The following AJAP1 variants were observed in gnomAD, a reference collection of about 807,000 sequenced individuals.
AJAP1 encodes the protein adherens junction-associated protein 1.
AJAP1 carries 5 observed loss-of-function variants against 35.0 expected under a neutral mutation model. The ratio of observed to expected loss-of-function variants is 0.14; its 90% CI spans 0.07 to 0.30. The LOEUF is 0.30. AJAP1 is among the 10% of genes least tolerant of loss of function. The probability of loss-of-function intolerance (pLI) is 1.00; values close to 1 mark genes in which losing one functional copy is unlikely to be tolerated. For synonymous variants in AJAP1, 284 were observed against 249.3 expected, an observed-to-expected ratio of 1.14 and a Z score of -1.31; for missense variants, 586 against 571.0, an observed-to-expected ratio of 1.03 and a Z score of -0.27.
chr1:4,711,719 G>T (rs1388630841), intron 1 of AJAP1, among the ~76,000 whole-genome samples, 181 bp from the exon 2 acceptor site: 1 of 152,202 alleles, frequency 6.6e-6, no homozygotes, highest in Admixed American at 6.5e-5. Context: ...TCTTGCACGT[G>T]AGTGAGCCTT....
intron 4 of AJAP1, among the ~76,000 whole-genome samples, chr1:4,774,095 AG>A (rs1176296724): frequency 6.6e-6 from 1 of 152,270 alleles, no homozygotes; most frequent in African/African-American, 2.4e-5. Context: ...CATCAGAGGC[AG>A]AGACCCCAGG....
intron 1 of AJAP1, among the ~76,000 whole-genome samples, chr1:4,707,965 T>G (rs977785618): frequency 5.3e-5 from 6 of 113,870 alleles, no homozygotes; most frequent in Admixed American, 3.0e-4. Flanking sequence ...GGCGGTACGT[T>G]TTTTTTTTGT....
Position 4,712,044 on chromosome 1 carries a change from C to T in AJAP1, c.174C>T (p.Pro58=), listed in dbSNP as rs2100266021. Residue 58 remains proline, a synonymous_variant, in exon 2 of 6, where the codon CCC becomes CCT. Transcript: ENST00000378191. ...PEFWLLPRSP[P]RPPRLWSFRS... is the part of the protein sequence containing the mutation. The stretch of plus-strand genomic sequence containing the variant: ...TCTGGCTCCTGCCGCGGTCGCCGCC[C>T]CGGCCGCCCCGGCTGTGGAGTTTTA... 2 of 1,589,088 alleles carry T rather than the reference C, an allele frequency of 1.3e-6. No individual in the cohort carries two copies. Among genetic ancestry groups the T allele is most frequent in the South Asian group, 2.3e-5 (2 of 87,858 alleles).
At chr1:4,719,054 C>T (rs1640459478) in intron 2 of AJAP1, among the ~76,000 whole-genome samples, 1 of 152,180 alleles carries the variant, frequency 6.6e-6, no homozygotes, top group Non-Finnish European at 1.5e-5. Flanking sequence ...GGACTGATAA[C>T]AAATCTGTTT....
At chr1:4,673,000 TGAA>T (rs1305153963) in intron 1 of AJAP1, among the ~76,000 whole-genome samples, 2 of 152,096 alleles carry the variant, frequency 1.3e-5, no homozygotes, top group African/African-American at 4.8e-5. Context: ...GGCTTGAAGA[TGAA>T]GGAGTGCTTC....
At chr1:4,704,814 A>T (rs1313998275) in intron 1 of AJAP1, among the ~76,000 whole-genome samples, 1 of 152,114 alleles carries the variant, frequency 6.6e-6, no homozygotes, top group Non-Finnish European at 1.5e-5. Context: ...CCTCTCCAGC[A>T]CCTGTTGTTT....
Position 4,655,822 on chromosome 1 carries a change from T to C in AJAP1, c.29+368T>C, listed in dbSNP as rs2100496915. Among the ~76,000 whole-genome samples, 1 of 147,644 alleles carries C rather than the reference T, an allele frequency of 6.8e-6. No individual in the cohort carries two copies. The highest frequency in any genetic ancestry group is 2.1e-4 in the East Asian group (1 of 4,850). ...GGGCCCGGGGCGAGGCGCCGGCCGCTGGGCGCGGCGGGCGCGGGGGCCGGG... is the reference window on the plus strand; with the variant it reads ...GGGCCCGGGGCGAGGCGCCGGCCGCCGGGCGCGGCGGGCGCGGGGGCCGGG... On this transcript the variant is annotated intron_variant, in intron 1 of 5. Coordinates refer to ENST00000378191, the MANE Select transcript of AJAP1 (RefSeq NM_018836.4). The surrounding 1 kb of genome is among the most constrained non-coding windows in gnomAD (Gnocchi z 6.9).
At chr1:4,747,339 A>G (rs1641211908) in intron 2 of AJAP1, among the ~76,000 whole-genome samples, 1 of 150,950 alleles carries the variant, frequency 6.6e-6, no homozygotes, top group Admixed American at 6.6e-5. Context: ...CCCCCTCTCC[A>G]CCTCACCCGG....
In AJAP1 at chr1:4,667,665, C is replaced by T. The variant is rs1639159714; in HGVS notation, c.29+12211C>T. Among the ~76,000 whole-genome samples the T allele has an allele frequency of 3.3e-5, 5 of 152,308 alleles. No individual in the cohort carries two copies. In the South Asian group the frequency reaches 1.0e-3, roughly 32 times the overall value. On this transcript the variant is annotated intron_variant, in intron 1 of 5. Coordinates refer to ENST00000378191, the MANE Select transcript of AJAP1 (RefSeq NM_018836.4). ...ATGCTGGCTCACCCACTGCTCACCT[C>T]CTGCTGTGAGGACAGTTCCTAACAG...
At chr1:4,713,922 T>C (rs888797777) in intron 2 of AJAP1, among the ~76,000 whole-genome samples, 3 of 152,210 alleles carry the variant, frequency 2.0e-5, no homozygotes, top group Admixed American at 6.5e-5. Context: ...AGAGCTCATG[T>C]GCAGGCGGCC....
In AJAP1 at chr1:4,738,627, G is replaced by A. The variant is rs558688021; in HGVS notation, c.829+25928G>A. 4.3e-4 allele frequency among the ~76,000 whole-genome samples: 65 copies of A among 152,230 alleles called. 1 individual carries two copies. The South Asian group carries it at 0.012, about 28-fold the overall frequency. On this transcript the variant is annotated intron_variant, in intron 2 of 5. Coordinates refer to ENST00000378191, the MANE Select transcript of AJAP1 (RefSeq NM_018836.4). ...GCCCCCCAGGCCATGGCAGCACCGCGGGGGTGTGCAGAGACTAGGAGAAGC... is the reference window on the plus strand; with the variant it reads ...GCCCCCCAGGCCATGGCAGCACCGCAGGGGTGTGCAGAGACTAGGAGAAGC...
intron 2 of AJAP1, among the ~76,000 whole-genome samples, chr1:4,737,092 C>T (rs959606652): frequency 1.3e-5 from 2 of 152,224 alleles, no homozygotes; most frequent in South Asian, 2.1e-4. Context: ...GGAATTATTA[C>T]GCCTGTTTGC....
intron 1 of AJAP1, among the ~76,000 whole-genome samples, chr1:4,680,963 C>T (rs973741755): frequency 3.3e-5 from 5 of 152,096 alleles, no homozygotes; most frequent in Non-Finnish European, 5.9e-5. Flanking sequence ...CTTTGGCATT[C>T]GAATTCAGGT....
chr1:4,680,274 C>T (rs1405344375), intron 1 of AJAP1, among the ~76,000 whole-genome samples: 4 of 152,214 alleles, frequency 2.6e-5, no homozygotes, highest in Non-Finnish European at 5.9e-5. Context: ...TCTTTGACCA[C>T]ACATCTGGGC....
rs1363763911 is a variant in AJAP1 at position 4,769,728 on chromosome 1, C to A, written c.830-125C>A. 5 of 804,504 alleles carry A rather than the reference C, an allele frequency of 6.2e-6. No homozygotes were observed. In the African/African-American group the frequency reaches 8.4e-5, roughly 14 times the overall value. The allele number at this position is 804,504 out of a possible 1,614,324, so 49.8% of individuals were successfully genotyped here. ...GCACCTGTCATGCTGCCCCGAGTTC[C>A]CCGCTGCGGATGGGACCTGGCATCC... On this transcript the variant is annotated intron_variant, in intron 2 of 5. Coordinates refer to ENST00000378191, the MANE Select transcript of AJAP1 (RefSeq NM_018836.4).
intron 2 of AJAP1, among the ~76,000 whole-genome samples, chr1:4,731,921 C>T (rs1418824937): frequency 1.3e-5 from 2 of 152,324 alleles, no homozygotes; most frequent in African/African-American, 2.4e-5. Flanking sequence ...GCCCTCTTCT[C>T]CATGCTGCCC....
intron 1 of AJAP1, among the ~76,000 whole-genome samples, chr1:4,688,703 C>T (rs886301784): frequency 7.1e-6 from 1 of 140,502 alleles, no homozygotes; most frequent in African/African-American, 2.7e-5. Flanking sequence ...ACCCGGGAGG[C>T]AGAGGTTGCC....
At chr1:4,707,011 T>A (rs1265476764) in intron 1 of AJAP1, among the ~76,000 whole-genome samples, 2 of 152,074 alleles carry the variant, frequency 1.3e-5, no homozygotes, top group Non-Finnish European at 2.9e-5. Context: ...GAGGGAGCTG[T>A]CCCTGCCTCT....
In AJAP1 at chr1:4,772,319, G is replaced by A. The variant is rs766690313; in HGVS notation, c.957G>A (p.Gln319=). ...QSGNTRRNSH[Q]RKTNQQEESC... The stretch of plus-strand genomic sequence containing the variant: ...GGAACACTCGTCGGAACAGCCACCA[G>A]CGGAAGACCAACCAGCAGGAGGAGA... The change falls in exon 4 of 6, where the codon CAG becomes CAA. Residue 319 remains glutamine, a synonymous_variant. Transcript: ENST00000378191. 1 of 1,614,078 alleles carries A rather than the reference G, an allele frequency of 6.2e-7. No individual in the cohort carries two copies. The highest frequency in any genetic ancestry group is 1.3e-5 in the African/African-American group (1 of 74,932).
Sources: allele counts gnomAD v4.1 joint callset (sites outside exome capture counted in the v4.1 genomes callset), GRCh38; gene constraint gnomAD v4.1.1; non-coding constraint Gnocchi (gnomAD v3.1); transcripts MANE v1.5; gene names NCBI Gene and HGNC (gene_info 2026-07-23, HGNC 2026-07-21).